SERTM2: variants seen among roughly 807,000 people sequenced by gnomAD.
SERTM2 encodes serine-rich and transmembrane domain-containing protein 2.
At chrX:111,512,184 A>C (rs1930238549) in intron 2 of SERTM2, 90 bp downstream of exon 2, 1 of 283,987 alleles carries the variant, frequency 3.5e-6, no homozygotes. Flanking sequence ...AATAGGCACC[A>C]TCTGCTGCAG....
rs1341884674 is a variant in SERTM2 at position 111,522,100 on chromosome X, A to G, written c.*2970A>G. 1 of 111,651 alleles carries G rather than the reference A, an allele frequency of 9.0e-6. No individual in the cohort carries two copies. The highest frequency in any genetic ancestry group is 3.3e-5 in the African/African-American group (1 of 30,705). The allele number at this position is 111,651 out of a possible 1,213,427, so 9.2% of individuals were successfully genotyped here. Reference sequence around the variant, plus strand: ...ATGCCAAATCTGAAGCTTTGGACTCATAACTGAGTTTGACTGCTGCAGATC... The same window carrying G: ...ATGCCAAATCTGAAGCTTTGGACTCGTAACTGAGTTTGACTGCTGCAGATC... On this transcript the variant is annotated 3_prime_UTR_variant, in exon 3 of 3. Coordinates refer to ENST00000569275, the MANE Select transcript of SERTM2 (RefSeq NM_001354473.2).
In SERTM2 at chrX:111,512,038, A is replaced by C. The variant is rs139648575; in HGVS notation, c.-840A>C. 7.8e-5 allele frequency: 23 copies of C among 295,122 alleles called. No homozygotes were observed. The highest frequency in any genetic ancestry group is 4.7e-4 in the African/African-American group (17 of 36,516). 24.3% of individuals were successfully genotyped at this position (295,122 alleles called of 1,213,427 possible). ...TCCTGAACAAGTTACCTGTTGGTGAAAGCTTCAAAAGGGATACTTAAGTGA... is the reference window on the plus strand; with the variant it reads ...TCCTGAACAAGTTACCTGTTGGTGACAGCTTCAAAAGGGATACTTAAGTGA... On this transcript the variant is annotated 5_prime_UTR_variant, in exon 2 of 3. Transcript: ENST00000569275.
chrX:111,517,852 C>T (rs765073953), intron 2 of SERTM2, among the ~76,000 whole-genome samples: 10 of 110,559 alleles, frequency 9.0e-5, no homozygotes, highest in African/African-American at 2.0e-4. Flanking sequence ...GTTTAGAAAA[C>T]GTTGTTCTAA....
chrX:111,513,039 T>G (rs907698071), intron 2 of SERTM2, among the ~76,000 whole-genome samples: 3 of 107,036 alleles, frequency 2.8e-5, no homozygotes, highest in African/African-American at 3.8e-5. Flanking sequence ...ATGTACAAGT[T>G]AATATTGGAC....
rs755438068 is a variant in SERTM2, at chrX:111,518,930, G to T, written c.73G>T (p.Val25Phe). 25 of 296,118 alleles carry T rather than the reference G, an allele frequency of 8.4e-5. No homozygotes were observed. Among genetic ancestry groups the T allele is most frequent in the Non-Finnish European group, 1.3e-4 (22 of 169,908 alleles). The allele number at this position is 296,118 out of a possible 1,213,427, so 24.4% of individuals were successfully genotyped here. A position where few individuals can be genotyped will look rare whatever the true frequency, so the allele number is the denominator to read the frequency against. Residue 25 changes from valine to phenylalanine, a missense_variant, in exon 3 of 3, where the codon GTT (valine) becomes TTT (phenylalanine). Val to Phe is a conservative substitution (Grantham distance 50). Coordinates refer to ENST00000569275, the MANE Select transcript of SERTM2 (RefSeq NM_001354473.2). ...RAHFPTLATE[V>F]DTSSDKYSNL... ...CCATTTTCCCACTCTGGCAACAGAG[G>T]TTGATACCTCTTCAGACAAGTATTC...
chrX:111,520,351 G>A lies in SERTM2; in HGVS notation c.*1221G>A, dbSNP rs964982325. 2.7e-5 allele frequency: 3 copies of A among 111,602 alleles called. No homozygotes were observed. The highest frequency in any genetic ancestry group is 3.8e-5 in the Non-Finnish European group (2 of 53,113). 9.2% of individuals were successfully genotyped at this position (111,602 alleles called of 1,213,427 possible). A position where few individuals can be genotyped will look rare whatever the true frequency, so the allele number is the denominator to read the frequency against. On this transcript the variant is annotated 3_prime_UTR_variant, in exon 3 of 3. Transcript: ENST00000569275. ...GGAGATGAGTACCATTTACAAATCA[G>A]AATTTAAAAAACTGGTCATATTCTT...
intron 2 of SERTM2, among the ~76,000 whole-genome samples, chrX:111,516,345 G>A (rs746327773): frequency 1.8e-5 from 2 of 108,627 alleles, no homozygotes; most frequent in Non-Finnish European, 3.8e-5. Flanking sequence ...TTTTTGGGGG[G>A]TGACACTATT....
At position 111,521,406 on chromosome X, in the gene SERTM2, C is replaced by G. The variant is rs911940159; in HGVS notation, c.*2276C>G. On this transcript the variant is annotated 3_prime_UTR_variant, in exon 3 of 3. Coordinates refer to ENST00000569275, the MANE Select transcript of SERTM2 (RefSeq NM_001354473.2). ...AAATAGCAGCATAACACCCCCCACCCAATTTCCAGTGACAATATAAATGGA... is the reference window on the plus strand; with the variant it reads ...AAATAGCAGCATAACACCCCCCACCGAATTTCCAGTGACAATATAAATGGA... The G allele has an allele frequency of 9.0e-6, 1 of 111,217 alleles. No individual in the cohort carries two copies. The highest frequency in any genetic ancestry group is 1.9e-5 in the Non-Finnish European group (1 of 53,019). The allele number at this position is 111,217 out of a possible 1,213,427, so 9.2% of individuals were successfully genotyped here.
At position 111,512,646 on chromosome X, in the gene SERTM2, CAATA is replaced by C. The variant is rs1930248558; in HGVS notation, c.-784+556_-784+559del. On this transcript the variant is annotated intron_variant, in intron 2 of 2. Transcript: ENST00000569275. ...AAGTGTCTGGAACTTGATTGGCACT[CAATA>C]AATGTTTGCCAAAGAAATGTTAATC... Among the ~76,000 whole-genome samples, 8 of 111,941 alleles carry C rather than the reference CAATA, an allele frequency of 7.1e-5. No individual in the cohort carries two copies. The South Asian group carries it at 3.0e-3, about 42-fold the overall frequency.
At position 111,517,638 on chromosome X, in the gene SERTM2, G is replaced by A. The variant is rs1193256394; in HGVS notation, c.-783-437G>A. Among the ~76,000 whole-genome samples, 3 of 108,696 alleles carry A rather than the reference G, an allele frequency of 2.8e-5. No homozygotes were observed. The Admixed American group carries it at 2.9e-4, about 11-fold the overall frequency. The allele number at this position is 108,696 out of a possible 115,157, so 94.4% of individuals were successfully genotyped here. ...GAAGTCTTCCAAAATGATTTAACTT[G>A]GCATTCTAAACATGAACTTTGAATA... On this transcript the variant is annotated intron_variant, in intron 2 of 2. Transcript: ENST00000569275.
At chrX:111,512,149 ATT>A in intron 2 of SERTM2, 55 bp downstream of exon 2, 1 of 289,187 alleles carries the variant, frequency 3.5e-6, no homozygotes, top group Non-Finnish European at 6.1e-6. Context: ...GAGAGGCATT[ATT>A]TTATTTATCG....
intron 2 of SERTM2, among the ~76,000 whole-genome samples, chrX:111,514,315 C>A (rs773595300): frequency 9.0e-6 from 1 of 111,714 alleles, no homozygotes; most frequent in South Asian, 3.7e-4. Flanking sequence ...GCAGCTACTG[C>A]AAGCAAAGCT....
chrX:111,517,163 G>C (rs1001052404), intron 2 of SERTM2, among the ~76,000 whole-genome samples: 23 of 110,955 alleles, frequency 2.1e-4, no homozygotes, highest in Middle Eastern at 4.8e-3. Flanking sequence ...TAACTATTGG[G>C]GGGAAATGTC....
rs1357959779 is a variant in SERTM2 at position 111,519,418 on chromosome X, A to G, written c.*288A>G. The stretch of plus-strand genomic sequence containing the variant: ...TGCCTGGGCCTTGCACAAACCTCAG[A>G]CCACAGAAATTCATGCGCAGTGGTT... On this transcript the variant is annotated 3_prime_UTR_variant, in exon 3 of 3. Coordinates refer to ENST00000569275, the MANE Select transcript of SERTM2 (RefSeq NM_001354473.2). The G allele has an allele frequency of 5.9e-6, 1 of 169,362 alleles. No individual in the cohort carries two copies. Among genetic ancestry groups the G allele is most frequent in the Non-Finnish European group, 1.1e-5 (1 of 90,667 alleles). 14.0% of individuals were successfully genotyped at this position (169,362 alleles called of 1,213,427 possible).
Position 111,518,550 on chromosome X carries a change from T to G in SERTM2, c.-308T>G. 1 of 232,201 alleles carries G rather than the reference T, an allele frequency of 4.3e-6. No homozygotes were observed. Among genetic ancestry groups the G allele is most frequent in the Admixed American group, 6.9e-5 (1 of 14,520 alleles). 19.1% of individuals were successfully genotyped at this position (232,201 alleles called of 1,213,427 possible). ...TAAAGCAGTTTCACCCATATTTATT[T>G]TAATCAGTATAAAAGTAGGAGTGTG... On this transcript the variant is annotated 5_prime_UTR_variant, in exon 3 of 3. Transcript: ENST00000569275.
chrX:111,513,899 T>G (rs1005926194), intron 2 of SERTM2, among the ~76,000 whole-genome samples: 1 of 111,594 alleles, frequency 9.0e-6, no homozygotes, highest in Non-Finnish European at 1.9e-5. Flanking sequence ...ATTGAATAAG[T>G]ATTCAGACCT....
intron 2 of SERTM2, among the ~76,000 whole-genome samples, chrX:111,516,496 C>A (rs1930313405): frequency 9.0e-6 from 1 of 110,750 alleles, no homozygotes; most frequent in Admixed American, 9.6e-5. Flanking sequence ...CAAAGAAATA[C>A]TTGAAAGGCT....
rs756638409 is a variant in SERTM2 at position 111,518,272 on chromosome X, G to A, written c.-586G>A. 1.8e-5 allele frequency: 2 copies of A among 111,398 alleles called. No homozygotes were observed. Among genetic ancestry groups the A allele is most frequent in the African/African-American group, 6.5e-5 (2 of 30,686 alleles). The allele number at this position is 111,398 out of a possible 1,213,427, so 9.2% of individuals were successfully genotyped here. ...GACTTACAAGCTGTGCAGCTGGGCA[G>A]GAACCTTACAATCTCCATCCTTAGG... On this transcript the variant is annotated 5_prime_UTR_variant, in exon 3 of 3. Transcript: ENST00000569275.
rs757150957 is a variant in SERTM2, at chrX:111,514,733, T to C, written c.-784+2639T>C. Among the ~76,000 whole-genome samples the C allele has an allele frequency of 1.2e-4, 13 of 111,944 alleles. No homozygotes were observed. The South Asian group carries it at 4.8e-3, about 42-fold the overall frequency. On this transcript the variant is annotated intron_variant, in intron 2 of 2. Transcript: ENST00000569275. ...AAGGCAACATGTAGACTTCCAACAT[T>C]TTATTTCTTTTTCCTTTTTCATTCC...
Sources: gnomAD v4.1 joint callset for allele counts (sites outside exome capture counted in the v4.1 genomes callset) on GRCh38, gnomAD v4.1.1 for gene constraint, MANE v1.5 for transcripts, NCBI Gene and HGNC (gene_info 2026-07-23, HGNC 2026-07-21) for gene names.